KIF26A: variants seen among roughly 807,000 people sequenced by gnomAD.
The protein encoded by KIF26A is kinesin family member 26A, also known as kinesin-like protein KIF26A.
In KIF26A, 74 loss-of-function variants were observed where a neutral mutation model predicts 126.0. The ratio of observed to expected loss-of-function variants is 0.59; its 90% CI spans 0.49 to 0.71. The LOEUF is 0.71. KIF26A is among the 30% of genes least tolerant of loss of function. The probability of loss-of-function intolerance (pLI) is 0.00; values close to 1 mark genes in which losing one functional copy is unlikely to be tolerated. For missense variants in KIF26A, 2,984 were observed against 2,763.3 expected (o/e 1.08, Z -1.79); for synonymous variants, 1,445 against 1,232.7 (o/e 1.17, Z -3.61).
Position 104,157,824 on chromosome 14 carries a change from G to T in KIF26A, c.805G>T (p.Asp269Tyr). The change falls in exon 4 of 15, where the codon GAT (aspartate) becomes TAT (tyrosine). Residue 269 changes from aspartate (D) to tyrosine (Y), a missense_variant. By Grantham distance (160) the Asp-to-Tyr change is radical (BLOSUM62 -3). Coordinates refer to ENST00000423312, the MANE Select transcript of KIF26A (RefSeq NM_015656.2). ...AGAATGCCCCCCCGTGGCCGGCCCT[G>T]ATGGCTTGTCGAAGGCCTGGGGCCG... ...VRECPPVAGP[D>Y]GLSKAWGRGG... 2 of 1,609,804 alleles carry T rather than the reference G, an allele frequency of 1.2e-6. No individual in the cohort carries two copies. The highest frequency in any genetic ancestry group is 1.7e-6 in the Non-Finnish European group (2 of 1,178,522).
chr14:104,168,724 G>A (rs1343958602), intron 5 of KIF26A, among the ~76,000 whole-genome samples: 1 of 152,214 alleles, frequency 6.6e-6, no homozygotes, highest in Non-Finnish European at 1.5e-5. Flanking sequence ...AGGGCTTGGC[G>A]GGCATCTGGC....
chr14:104,176,194 G>T lies in KIF26A; in HGVS notation c.3406G>T (p.Asp1136Tyr). Residue 1136 changes from aspartate to tyrosine, a missense_variant, in exon 12 of 15, where the codon GAC becomes TAC. Coordinates refer to ENST00000423312, the MANE Select transcript of KIF26A (RefSeq NM_015656.2). ...CACGCCGCAGCCCCGCTTCAGCCCC[G>T]ACTCGCTGGCAGGGCTTGACCCTGG... is the stretch of plus-strand genomic sequence containing the variant. ...DPTPQPRFSP[D>Y]SLAGLDPGGP... 6.2e-7 allele frequency: 1 copy of T among 1,600,046 alleles called. No homozygotes were observed. Among genetic ancestry groups the T allele is most frequent in the Non-Finnish European group, 8.5e-7 (1 of 1,174,520 alleles).
At chr14:104,171,957 G>C (rs962997464) in intron 6 of KIF26A, 22 bp downstream of exon 6, 2 of 1,544,096 alleles carry the variant, frequency 1.3e-6, no homozygotes, top group Non-Finnish European at 1.7e-6. Flanking sequence ...CGGACTGGGC[G>C]TCCTCCCGGA....
At chr14:104,145,534 A>G (rs948051517) in intron 2 of KIF26A, among the ~76,000 whole-genome samples, 1 of 152,190 alleles carries the variant, frequency 6.6e-6, no homozygotes, top group Non-Finnish European at 1.5e-5. Context: ...TGGACCTGGG[A>G]TGGTCGTGCT....
At position 104,148,258 on chromosome 14, in the gene KIF26A, A is replaced by G. The variant is rs1397767879; in HGVS notation, c.289-3757A>G. ...TTGTAAGTAGGGGGGAGACTCCCTAAAACCCAGGCGCGCAATGGGTGGGCT... is the reference window on the plus strand; with the variant it reads ...TTGTAAGTAGGGGGGAGACTCCCTAGAACCCAGGCGCGCAATGGGTGGGCT... On this transcript the variant is annotated intron_variant, in intron 2 of 14. Transcript: ENST00000423312. The surrounding 1 kb of genome is among the most constrained non-coding windows in gnomAD (Gnocchi z 4.3). Among the ~76,000 whole-genome samples the G allele has an allele frequency of 6.6e-6, 1 of 152,246 alleles. No individual in the cohort carries two copies. The highest frequency in any genetic ancestry group is 1.5e-5 in the Non-Finnish European group (1 of 68,046).
chr14:104,165,430 T>C (rs1286590716), intron 4 of KIF26A, among the ~76,000 whole-genome samples: 1 of 151,188 alleles, frequency 6.6e-6, no homozygotes, highest in East Asian at 1.9e-4. Flanking sequence ...TATGCGTGTG[T>C]GTCTGTCTCT....
intron 2 of KIF26A, among the ~76,000 whole-genome samples, chr14:104,140,256 G>C (rs1219721227): frequency 6.6e-6 from 1 of 152,126 alleles, no homozygotes; most frequent in African/African-American, 2.4e-5. Flanking sequence ...TCTCGGCGAG[G>C]GATAGGATTG....
rs556102643 is a variant in KIF26A at position 104,177,484 on chromosome 14, C to G, written c.4696C>G (p.Arg1566Gly). ...GCAGGCGCTCCGGGCTGCTCACAGC[C>G]GCGTCCATGAGCTGTCAGCCAGTGG... ...TKQALRAAHSRVHELSASGAP... is the reference protein window; with the variant it reads ...TKQALRAAHSGVHELSASGAP... Residue 1566 changes from arginine to glycine, a missense_variant, in exon 12 of 15, where the codon CGC becomes GGC. Coordinates refer to ENST00000423312, the MANE Select transcript of KIF26A (RefSeq NM_015656.2). 1.3e-6 allele frequency: 2 copies of G among 1,533,110 alleles called. No homozygotes were observed. The highest frequency in any genetic ancestry group is 8.7e-7 in the Non-Finnish European group (1 of 1,145,400). 95.0% of individuals were successfully genotyped at this position (1,533,110 alleles called of 1,614,324 possible). A position where few individuals can be genotyped will look rare whatever the true frequency, so the allele number is the denominator to read the frequency against.
Position 104,164,365 on chromosome 14 carries a change from C to T in KIF26A, c.924-2494C>T, listed in dbSNP as rs528724351. On this transcript the variant is annotated intron_variant, in intron 4 of 14. Transcript: ENST00000423312. ...GGGTGGCATCCTGGCCTCTGGCCCG[C>T]GTGGGAGCGCCTCCTGTTGGGAGGT... 1.4e-3 allele frequency among the ~76,000 whole-genome samples: 214 copies of T among 152,280 alleles called. 1 individual carries two copies. Among genetic ancestry groups the T allele is most frequent in the African/African-American group, 3.5e-3 (146 of 41,564 alleles).
Position 104,164,254 on chromosome 14 carries a change from G to A in KIF26A, c.924-2605G>A, listed in dbSNP as rs368315319. Among the ~76,000 whole-genome samples the A allele has an allele frequency of 1.1e-3, 164 of 152,248 alleles. 2 individuals are homozygous for A. Among genetic ancestry groups the A allele is most frequent in the African/African-American group, 3.6e-3 (148 of 41,558 alleles). On this transcript the variant is annotated intron_variant, in intron 4 of 14. Coordinates refer to ENST00000423312, the MANE Select transcript of KIF26A (RefSeq NM_015656.2). ...AGACGTGAGAGGCCGAGGGCTGTGG[G>A]GGGGGCGTGGGGCATGTTAGGGGAC...
In KIF26A at chr14:104,180,126, G is replaced by A. The variant is rs568539949; in HGVS notation, c.*336G>A. ...GCCCGGCCCCGCTGCGCCTGTCCGG[G>A]CCGGGGCTGGCGCCGGTTGTGTTTG... On this transcript the variant is annotated 3_prime_UTR_variant, in exon 15 of 15. Transcript: ENST00000423312. 79 of 250,412 alleles carry A rather than the reference G, an allele frequency of 3.2e-4. No individual in the cohort carries two copies. In the East Asian group the frequency reaches 5.7e-3, roughly 18 times the overall value. The allele number at this position is 250,412 out of a possible 1,614,324, so 15.5% of individuals were successfully genotyped here.
rs893626942 is a variant in KIF26A, at chr14:104,139,169, G to A, written c.169G>A (p.Gly57Ser). The change falls in exon 2 of 15, where the codon GGC (glycine) becomes AGC (serine). Residue 57 changes from glycine to serine, a missense_variant. Transcript: ENST00000423312. The stretch of plus-strand genomic sequence containing the variant: ...CCCTGCTCCCGAAGGCGCCGGGGCC[G>A]GCCCAGAGCAGGGCCACTCGGCCGG... ...SRPAPEGAGA[G>S]PEQGHSAGGG... 5 of 1,526,218 alleles carry A rather than the reference G, an allele frequency of 3.3e-6. No individual in the cohort carries two copies. In the African/African-American group the frequency reaches 5.7e-5, roughly 17 times the overall value. 94.5% of individuals were successfully genotyped at this position (1,526,218 alleles called of 1,614,324 possible).
At chr14:104,168,361 G>C (rs2037926290) in intron 5 of KIF26A, among the ~76,000 whole-genome samples, 1 of 152,178 alleles carries the variant, frequency 6.6e-6, no homozygotes, top group Non-Finnish European at 1.5e-5. Context: ...TTCGTGACTT[G>C]AGCCCTCCAA....
rs1428320076 is a variant in KIF26A at position 104,173,775 on chromosome 14, G to A, written c.1937G>A (p.Gly646Glu). Residue 646 changes from glycine (G) to glutamate (E), a missense_variant, in exon 10 of 15, where the codon GGG (glycine) becomes GAG (glutamate). By Grantham distance (98) the Gly-to-Glu change is moderately conservative. Coordinates refer to ENST00000423312, the MANE Select transcript of KIF26A (RefSeq NM_015656.2). ...TGTGAGGCGGCGGCTGGCAGGGCCG[G>A]GGAGGCTGCTGGGGGTCCCCTGTGT... is the stretch of plus-strand genomic sequence containing the variant. ...GSCEAAAGRA[G>E]EAAGGPLCLS... is the part of the protein sequence containing the mutation. The A allele has an allele frequency of 1.1e-5, 18 of 1,608,382 alleles. No homozygotes were observed. Among genetic ancestry groups the A allele is most frequent in the Non-Finnish European group, 1.5e-5 (18 of 1,179,456 alleles).
chr14:104,142,501 G>A (rs1395270349), intron 2 of KIF26A, among the ~76,000 whole-genome samples: 2 of 152,124 alleles, frequency 1.3e-5, no homozygotes, highest in East Asian at 3.9e-4. Context: ...TGCCATAGAT[G>A]CTGTCCTCAT....
At chr14:104,138,797 G>C in intron 1 of KIF26A, 33 bp downstream of exon 1, 1 of 1,259,402 alleles carries the variant, frequency 7.9e-7, no homozygotes, top group Non-Finnish European at 9.9e-7. Context: ...AGGGAGGCGG[G>C]CGGCGGGGGC....
At chr14:104,164,779 C>G (rs1251807075) in intron 4 of KIF26A, among the ~76,000 whole-genome samples, 1 of 151,062 alleles carries the variant, frequency 6.6e-6, no homozygotes, top group Non-Finnish European at 1.5e-5. Context: ...GTGTGCATCT[C>G]TGTGTGTGTG....
chr14:104,176,727 G>C lies in KIF26A; in HGVS notation c.3939G>C (p.Leu1313=), dbSNP rs1230721974. The change falls in exon 12 of 15, where the codon CTG becomes CTC. Residue 1313 remains leucine, a synonymous_variant. Coordinates refer to ENST00000423312, the MANE Select transcript of KIF26A (RefSeq NM_015656.2). The part of the protein sequence containing the change: ...IPPLRRGATT[L]GVTTPAVSWG... ...CGCTGCGGAGGGGTGCCACCACGCT[G>C]GGTGTGACAACGCCAGCTGTGTCCT... The C allele has an allele frequency of 2.5e-6, 4 of 1,587,476 alleles. No individual in the cohort carries two copies. Among genetic ancestry groups the C allele is most frequent in the Non-Finnish European group, 3.4e-6 (4 of 1,168,024 alleles).
intron 5 of KIF26A, 148 bp downstream of exon 5, chr14:104,167,196 C>T: frequency 1.2e-6 from 1 of 866,510 alleles, no homozygotes; most frequent in South Asian, 2.2e-5. Context: ...GAGACTGAGG[C>T]CCAGGTGGCA....
Sources: allele counts gnomAD v4.1 joint callset (sites outside exome capture counted in the v4.1 genomes callset), GRCh38; gene constraint gnomAD v4.1.1; non-coding constraint Gnocchi (gnomAD v3.1); transcripts MANE v1.5; gene names NCBI Gene and HGNC (gene_info 2026-07-23, HGNC 2026-07-21).